The following CELF2 variants were observed in gnomAD, a reference collection of about 807,000 sequenced individuals.
The protein encoded by CELF2 is CUG triplet repeat RNA-binding protein 2.
A neutral mutation model predicts 62.6 loss-of-function variants in CELF2; 8 were observed. The observed-to-expected ratio is 0.13, with a 90% CI of 0.07 to 0.23. The LOEUF (loss-of-function observed/expected upper bound fraction) is 0.23. CELF2 is among the 10% of genes least tolerant of loss of function. The probability of loss-of-function intolerance (pLI) is 1.00; values close to 1 mark genes in which losing one functional copy is unlikely to be tolerated. For synonymous variants in CELF2, 258 were observed against 250.0 expected (o/e 1.03, Z -0.30); for missense variants, 333 against 671.0 (o/e 0.50, Z 5.56).
chr10:10,755,779 C>A, the CELF2 span, among the ~76,000 whole-genome samples: 10 of 152,266 alleles, frequency 6.6e-5, no homozygotes, highest in East Asian at 1.9e-3. Context: ...CACAAGACAC[C>A]TGAGCTGAGT....
At chr10:11,128,249 T>G (rs1290737568) in intron 1 of CELF2, among the ~76,000 whole-genome samples, 2 of 152,214 alleles carry the variant, frequency 1.3e-5, no homozygotes, top group Non-Finnish European at 2.9e-5. Flanking sequence ...TATCTCTGTT[T>G]TGGTACCAGT....
At chr10:10,623,443 A>C in the CELF2 span, among the ~76,000 whole-genome samples, 1 of 152,180 alleles carries the variant, frequency 6.6e-6, no homozygotes, top group Non-Finnish European at 1.5e-5. Context: ...AACAGTGGGA[A>C]TTATGTCATG....
In CELF2 at chr10:11,300,513, CT is replaced by C. The variant is rs2093616418; in HGVS notation, c.976+11964del. Among the ~76,000 whole-genome samples, 1 of 152,222 alleles carries C rather than the reference CT, an allele frequency of 6.6e-6. No individual in the cohort carries two copies. Among genetic ancestry groups the C allele is most frequent in the Non-Finnish European group, 1.5e-5 (1 of 68,028 alleles). ...CTCACCACTGCAGCGCCCAGTGTCA[CT>C]TTCCAACCCTACCTCCTCTTCCTCA... On this transcript the variant is annotated intron_variant, in intron 9 of 12. Coordinates refer to ENST00000633077, the MANE Select transcript of CELF2 (RefSeq NM_001326342.2). The surrounding 1 kb of genome is among the most constrained non-coding windows in gnomAD (Gnocchi z 5.5).
At chr10:10,543,894 A>G in the CELF2 span, among the ~76,000 whole-genome samples, 12 of 152,334 alleles carry the variant, frequency 7.9e-5, no homozygotes, top group African/African-American at 2.9e-4. Context: ...AGCGCTAAGC[A>G]TGCAGTGAGT....
intron 1 of CELF2, among the ~76,000 whole-genome samples, chr10:11,103,585 G>C (rs2052502185): frequency 6.7e-6 from 1 of 148,978 alleles, no homozygotes; most frequent in Non-Finnish European, 1.5e-5. Flanking sequence ...AATTAGAACA[G>C]TACCTTTCTC....
the CELF2 span, among the ~76,000 whole-genome samples, chr10:10,668,017 TAA>T: frequency 2.6e-5 from 4 of 152,084 alleles, no homozygotes; most frequent in Non-Finnish European, 5.9e-5. Context: ...TCTCTACCAT[TAA>T]AGAGTATGAA....
chr10:10,897,790 A>C (rs1001289351), intron 1 of CELF2, among the ~76,000 whole-genome samples: 1 of 152,218 alleles, frequency 6.6e-6, no homozygotes, highest in East Asian at 1.9e-4. Context: ...GGGAACAGAG[A>C]CAGAATGAAA....
chr10:11,055,417 G>A (rs1366132536), intron 1 of CELF2, among the ~76,000 whole-genome samples: 2 of 152,164 alleles, frequency 1.3e-5, no homozygotes, highest in Non-Finnish European at 2.9e-5. Flanking sequence ...GAATAATAAA[G>A]GGAACTATTT....
chr10:10,497,508 G>A, the CELF2 span, among the ~76,000 whole-genome samples: 1 of 152,228 alleles, frequency 6.6e-6, no homozygotes, highest in East Asian at 1.9e-4. Context: ...TACTATATAT[G>A]ATACCCCACA....
chr10:10,943,455 G>C (rs922294219), intron 2 of CELF2, among the ~76,000 whole-genome samples: 2 of 152,226 alleles, frequency 1.3e-5, no homozygotes, highest in South Asian at 2.1e-4. Flanking sequence ...AGGATGGGCA[G>C]ATTAGGATAG....
the CELF2 span, among the ~76,000 whole-genome samples, chr10:10,720,586 A>G: frequency 2.6e-5 from 4 of 152,346 alleles, no homozygotes; most frequent in South Asian, 8.3e-4. Context: ...AATGCCAAAG[A>G]TTGTATCATC....
At chr10:11,099,054 C>T (rs751194530) in intron 1 of CELF2, among the ~76,000 whole-genome samples, 52 of 152,348 alleles carry the variant, frequency 3.4e-4, no homozygotes, top group Non-Finnish European at 5.9e-4. Flanking sequence ...TCCTGGGGGC[C>T]ATGAGACAAC....
intron 2 of CELF2, among the ~76,000 whole-genome samples, chr10:11,186,714 A>T (rs1232027018): frequency 6.6e-6 from 1 of 152,200 alleles, no homozygotes; most frequent in Non-Finnish European, 1.5e-5. Context: ...GGAAATGTTC[A>T]TTGGAGCATT....
Position 11,046,190 on chromosome 10 carries a change from G to A in CELF2, c.74+28027G>A, listed in dbSNP as rs984497761. 2.6e-5 allele frequency among the ~76,000 whole-genome samples: 4 copies of A among 152,150 alleles called. No homozygotes were observed. The highest frequency in any genetic ancestry group is 4.4e-5 in the Non-Finnish European group (3 of 68,034). On this transcript the variant is annotated intron_variant, in intron 1 of 12. Transcript: ENST00000633077. The surrounding 1 kb of genome is among the most constrained non-coding windows in gnomAD (Gnocchi z 4.6). ...CAGCGGTTCTCAAAATCACGGCACC[G>A]CTTGTCTAACAACACCGAACGCTGG... is the stretch of plus-strand genomic sequence containing the variant.
In CELF2 at chr10:10,972,733, C is replaced by A. The variant is rs981619923; in HGVS notation, c.89+52734C>A. 2.0e-5 allele frequency among the ~76,000 whole-genome samples: 3 copies of A among 152,210 alleles called. No homozygotes were observed. The highest frequency in any genetic ancestry group is 6.5e-5 in the Admixed American group (1 of 15,286). On this transcript the variant is annotated intron_variant, in intron 2 of 13. Transcript: ENST00000636488. This position sits in a 1 kb window ranked among gnomAD's most constrained non-coding sequence, Gnocchi z 4.4. ...CACTTCAAACTCAACGAGCCTCCAACTCACAAGGTCACGTCCACTCACACC... is the reference window on the plus strand; with the variant it reads ...CACTTCAAACTCAACGAGCCTCCAAATCACAAGGTCACGTCCACTCACACC...
intron 2 of CELF2, among the ~76,000 whole-genome samples, chr10:11,195,941 A>G (rs575708330): frequency 6.6e-6 from 1 of 152,202 alleles, no homozygotes; most frequent in African/African-American, 2.4e-5. Context: ...GTCACAAAAT[A>G]TTAATACTCT....
intron 4 of CELF2, among the ~76,000 whole-genome samples, chr10:11,250,280 A>G (rs529653626): frequency 1.4e-4 from 21 of 152,380 alleles, no homozygotes; most frequent in African/African-American, 4.8e-4. Context: ...AGGCCAAGGC[A>G]GGAGGATCCC....
the CELF2 span, among the ~76,000 whole-genome samples, chr10:10,769,327 A>G: frequency 1.3e-5 from 2 of 152,312 alleles, no homozygotes; most frequent in East Asian, 1.9e-4. Flanking sequence ...CCAAGTAGAG[A>G]GAATCACCTG....
chr10:11,067,347 A>G (rs752362582), intron 1 of CELF2, among the ~76,000 whole-genome samples: 2 of 152,198 alleles, frequency 1.3e-5, no homozygotes, highest in Non-Finnish European at 2.9e-5. Flanking sequence ...TGCCGGTAAA[A>G]GGCAGGTCGT....
Sources: allele counts gnomAD v4.1 joint callset (sites outside exome capture counted in the v4.1 genomes callset), GRCh38; gene constraint gnomAD v4.1.1; non-coding constraint Gnocchi (gnomAD v3.1); transcripts MANE v1.5; gene names NCBI Gene and HGNC (gene_info 2026-07-23, HGNC 2026-07-21).